The following TRIQK variants were observed in gnomAD, a reference collection of about 807,000 sequenced individuals.
TRIQK encodes the protein triple QxxK/R motif-containing protein.
A neutral mutation model predicts 10.8 loss-of-function variants in TRIQK; 10 were observed. That is an observed-to-expected ratio of 0.92 (90% CI 0.57 to 1.57). The LOEUF is 1.57. Ranked by LOEUF, TRIQK falls within the 40% of genes most tolerant of loss-of-function variation. The pLI is 0.00. For missense variants in TRIQK, 107 were observed against 97.7 expected, an observed-to-expected ratio of 1.09 and a Z score of -0.40; for synonymous variants, 33 against 33.7, an observed-to-expected ratio of 0.98 and a Z score of 0.07.
chr8:92,949,527 AGAAAGAAG>A (rs1189611008), intron 2 of TRIQK, among the ~76,000 whole-genome samples: 79 of 145,408 alleles, frequency 5.4e-4, no homozygotes, highest in Admixed American at 3.0e-3. Context: ...AGAAAAAGAA[AGAAAGAAG>A]GAAGGAAGGA....
chr8:92,981,222 T>G (rs1812982719), intron 1 of TRIQK, among the ~76,000 whole-genome samples: 1 of 151,874 alleles, frequency 6.6e-6, no homozygotes, highest in Admixed American at 6.6e-5. Flanking sequence ...GAATAAAGCC[T>G]GTTCGTGAGG....
At position 93,007,444 on chromosome 8, in the gene TRIQK, T is replaced by C. The variant is rs113198804; in HGVS notation, c.-181+10165A>G. Among the ~76,000 whole-genome samples, 523 of 152,148 alleles carry C rather than the reference T, an allele frequency of 3.4e-3. 5 individuals are homozygous for C. Among genetic ancestry groups the C allele is most frequent in the African/African-American group, 0.012 (499 of 41,508 alleles). ...TGAGAAAGACTCAACGAGAAAACACTGAAAACTCAAAAAGCCAGAGTGCCT... is the reference window on the plus strand; with the variant it reads ...TGAGAAAGACTCAACGAGAAAACACCGAAAACTCAAAAAGCCAGAGTGCCT... On this transcript the variant is annotated intron_variant, in intron 1 of 4. Transcript: ENST00000520686.
chr8:92,892,107 G>A, intron 3 of TRIQK, 33 bp from the exon 4 acceptor site: 2 of 1,315,080 alleles, frequency 1.5e-6, no homozygotes, highest in Non-Finnish European at 2.1e-6. Context: ...AATGAGTTAT[G>A]CTCATATATA....
At chr8:92,979,299 T>C (rs1050683702) in intron 1 of TRIQK, among the ~76,000 whole-genome samples, 6 of 152,136 alleles carry the variant, frequency 3.9e-5, no homozygotes, top group African/African-American at 1.4e-4. Flanking sequence ...AGAAGATCTG[T>C]AGGATGAAAG....
rs1352662228 is a variant in TRIQK, at chr8:92,884,157, A to G, written c.*2465T>C. On this transcript the variant is annotated 3_prime_UTR_variant, in exon 5 of 5. Transcript: ENST00000521988. ...TACTGGAGGGAAGATACCCATGTCT[A>G]AAATTTGTGTCTGGTGCCAGTCTCA... The G allele has an allele frequency of 6.6e-6, 1 of 151,844 alleles. No homozygotes were observed. The highest frequency in any genetic ancestry group is 1.9e-4 in the East Asian group (1 of 5,158). The allele number at this position is 151,844 out of a possible 1,614,324, so 9.4% of individuals were successfully genotyped here.
At chr8:93,016,386 G>A (rs1813384354) in intron 1 of TRIQK, among the ~76,000 whole-genome samples, 1 of 152,108 alleles carries the variant, frequency 6.6e-6, no homozygotes, top group African/African-American at 2.4e-5. Flanking sequence ...AGTGCAATGT[G>A]TACAAAAGGG....
intron 2 of TRIQK, among the ~76,000 whole-genome samples, chr8:92,940,058 G>A (rs1237541199): frequency 1.3e-5 from 2 of 152,178 alleles, no homozygotes; most frequent in African/African-American, 4.8e-5. Flanking sequence ...TCACCAGTCA[G>A]CAGAACCCAG....
chr8:93,005,550 C>A (rs1344315130), intron 1 of TRIQK, among the ~76,000 whole-genome samples: 1 of 152,060 alleles, frequency 6.6e-6, no homozygotes, highest in South Asian at 2.1e-4. Context: ...ATAGGAAGGA[C>A]AAAAACCATA....
chr8:92,969,784 T>G (rs1253377993), upstream of TRIQK, among the ~76,000 whole-genome samples: 47 of 119,602 alleles, frequency 3.9e-4, no homozygotes, highest in Non-Finnish European at 1.3e-4. Flanking sequence ...TTAAAAAAAA[T>G]TAATTTTTTT....
chr8:92,909,757 A>G (rs909155980), intron 3 of TRIQK, among the ~76,000 whole-genome samples: 8 of 151,780 alleles, frequency 5.3e-5, no homozygotes, highest in Non-Finnish European at 8.9e-5. Flanking sequence ...GGAGAATTAT[A>G]GTTAAATAGA....
chr8:92,914,746 G>C (rs1362597247), intron 3 of TRIQK, among the ~76,000 whole-genome samples: 1 of 152,100 alleles, frequency 6.6e-6, no homozygotes, highest in African/African-American at 2.4e-5. Flanking sequence ...ATAAATGTTA[G>C]TGAGGATACA....
intron 1 of TRIQK, among the ~76,000 whole-genome samples, chr8:93,006,208 C>T (rs1252855032): frequency 1.6e-4 from 25 of 152,012 alleles, no homozygotes; most frequent in Admixed American, 1.6e-3. Flanking sequence ...TCAGAGGCTC[C>T]CATCTAGAAG....
intron 1 of TRIQK, among the ~76,000 whole-genome samples, chr8:92,961,316 G>T (rs972876328): frequency 6.6e-6 from 1 of 152,054 alleles, no homozygotes; most frequent in Non-Finnish European, 1.5e-5. Flanking sequence ...CCCTAGGAAT[G>T]CAGACAAAGC....
intron 2 of TRIQK, among the ~76,000 whole-genome samples, chr8:92,945,353 C>T (rs1811476094): frequency 6.6e-6 from 1 of 152,196 alleles, no homozygotes; most frequent in African/African-American, 2.4e-5. Context: ...CTGCCACCTC[C>T]AGATTCCAGT....
chr8:92,983,993 C>T (rs1326731215), intron 1 of TRIQK, among the ~76,000 whole-genome samples: 4 of 152,060 alleles, frequency 2.6e-5, no homozygotes, highest in African/African-American at 9.7e-5. Flanking sequence ...ACTCCGACCT[C>T]TCCAAGTTTC....
chr8:92,958,393 G>C (rs1812283106), intron 1 of TRIQK, among the ~76,000 whole-genome samples: 1 of 151,914 alleles, frequency 6.6e-6, no homozygotes, highest in Non-Finnish European at 1.5e-5. Flanking sequence ...TGATTGATAT[G>C]TAACTCATAA....
chr8:93,016,416 G>A (rs562278057), intron 1 of TRIQK, among the ~76,000 whole-genome samples: 1 of 152,160 alleles, frequency 6.6e-6, no homozygotes, highest in South Asian at 2.1e-4. Context: ...TGCACATTTG[G>A]CTTCATTAAC....
At chr8:92,944,984 T>C (rs1426989346) in intron 2 of TRIQK, among the ~76,000 whole-genome samples, 2 of 152,194 alleles carry the variant, frequency 1.3e-5, no homozygotes, top group Non-Finnish European at 2.9e-5. Context: ...TGTATATTTA[T>C]TATATCTTAA....
At chr8:93,011,978 A>G (rs1191169906) in intron 1 of TRIQK, among the ~76,000 whole-genome samples, 2 of 152,190 alleles carry the variant, frequency 1.3e-5, no homozygotes, top group Non-Finnish European at 2.9e-5. Context: ...TAGATGGTGG[A>G]CAGTTTGGGG....
Sources: gnomAD v4.1 joint callset for allele counts (sites outside exome capture counted in the v4.1 genomes callset) on GRCh38, gnomAD v4.1.1 for gene constraint, MANE v1.5 for transcripts, NCBI Gene and HGNC (gene_info 2026-07-23, HGNC 2026-07-21) for gene names.